The following NXPH2 variants were observed in gnomAD, a reference collection of about 807,000 sequenced individuals.
NXPH2 encodes the protein neurexophilin-2.
In NXPH2, 5 loss-of-function variants were observed where a neutral mutation model predicts 19.8. That is an observed-to-expected ratio of 0.25 (90% confidence interval 0.13 to 0.53). The LOEUF is 0.53. Ranked by LOEUF, NXPH2 falls within the 20% of genes least tolerant of loss-of-function variation. The pLI is 0.96. For missense variants in NXPH2, 289 were observed against 322.8 expected (o/e 0.90, Z 0.80); for synonymous variants, 154 against 127.4 (o/e 1.21, Z -1.41).
chr2:138,731,130 G>A (rs1423234735), intron 1 of NXPH2, among the ~76,000 whole-genome samples: 1 of 151,950 alleles, frequency 6.6e-6, no homozygotes, highest in Admixed American at 6.6e-5. Context: ...TTCAGTTTCT[G>A]CTGCCTCCAT....
At chr2:138,721,791 A>T (rs935866002) in intron 1 of NXPH2, among the ~76,000 whole-genome samples, 3 of 152,348 alleles carry the variant, frequency 2.0e-5, no homozygotes, top group Admixed American at 1.3e-4. Context: ...TAAAGCTTTA[A>T]ACTTCCCCAG....
intron 1 of NXPH2, among the ~76,000 whole-genome samples, chr2:138,763,927 T>TCATC (rs1298404174): frequency 6.6e-6 from 1 of 152,316 alleles, no homozygotes; most frequent in East Asian, 1.9e-4. Context: ...GTTCATTCAT[T>TCATC]CATCCATTCA....
chr2:138,767,730 T>G (rs993940009), intron 1 of NXPH2, among the ~76,000 whole-genome samples: 1 of 152,326 alleles, frequency 6.6e-6, no homozygotes, highest in Admixed American at 6.5e-5. Flanking sequence ...TTTTCTGATT[T>G]TTCATTTGAG....
At chr2:138,759,772 C>T (rs1475960870) in intron 1 of NXPH2, among the ~76,000 whole-genome samples, 1 of 148,644 alleles carries the variant, frequency 6.7e-6, no homozygotes. Flanking sequence ...CTCTGTGGTC[C>T]AGGCTGGAGT....
intron 1 of NXPH2, among the ~76,000 whole-genome samples, chr2:138,757,196 TACA>T (rs1681922640): frequency 6.6e-6 from 1 of 152,204 alleles, no homozygotes; most frequent in African/African-American, 2.4e-5. Flanking sequence ...TCATATTTCC[TACA>T]ACAATGGCCT....
At chr2:138,693,383 C>G (rs1680772824) in intron 1 of NXPH2, among the ~76,000 whole-genome samples, 1 of 152,100 alleles carries the variant, frequency 6.6e-6, no homozygotes. Flanking sequence ...TGGAAAAGAT[C>G]AACCCACATG....
chr2:138,686,388 A>G lies in NXPH2; in HGVS notation c.52-14723T>C, dbSNP rs116132472. Among the ~76,000 whole-genome samples the G allele has an allele frequency of 4.2e-3, 639 of 152,254 alleles. 5 individuals are homozygous for G. The highest frequency in any genetic ancestry group is 0.015 in the African/African-American group (611 of 41,542). On this transcript the variant is annotated intron_variant, in intron 1 of 1. Transcript: ENST00000272641. Reference sequence around the variant, plus strand: ...GAAGAGGCACTGTCTCTCTCTTGCCATCATTTCATGTTAAGCTCCACCCAT... The same window carrying G: ...GAAGAGGCACTGTCTCTCTCTTGCCGTCATTTCATGTTAAGCTCCACCCAT...
intron 1 of NXPH2, among the ~76,000 whole-genome samples, chr2:138,700,342 A>T (rs1312844094): frequency 1.3e-5 from 2 of 152,154 alleles, no homozygotes; most frequent in Non-Finnish European, 2.9e-5. Flanking sequence ...AACCTTAACT[A>T]TTCAACAATC....
intron 1 of NXPH2, among the ~76,000 whole-genome samples, chr2:138,702,677 C>T (rs1680948257): frequency 6.9e-6 from 1 of 144,520 alleles, no homozygotes; most frequent in Non-Finnish European, 1.5e-5. Context: ...ATGACTATTT[C>T]TTTGACAGAG....
At chr2:138,734,189 G>C (rs891420210) in intron 1 of NXPH2, among the ~76,000 whole-genome samples, 1 of 152,170 alleles carries the variant, frequency 6.6e-6, no homozygotes, top group Non-Finnish European at 1.5e-5. Flanking sequence ...AGGTTGCAGT[G>C]AGTCAAGATC....
At chr2:138,679,599 C>T (rs1573951168) in intron 1 of NXPH2, among the ~76,000 whole-genome samples, 1 of 152,024 alleles carries the variant, frequency 6.6e-6, no homozygotes, top group African/African-American at 2.4e-5. Flanking sequence ...GAGGTTTCTC[C>T]ATGTTGTTCA....
intron 1 of NXPH2, among the ~76,000 whole-genome samples, chr2:138,769,618 C>T (rs1222078754): frequency 2.0e-5 from 3 of 152,154 alleles, no homozygotes; most frequent in African/African-American, 7.2e-5. Context: ...AGGCAGGACA[C>T]TGAAGTTTTT....
At chr2:138,757,842 TATCTATC>T (rs1558930685) in intron 1 of NXPH2, among the ~76,000 whole-genome samples, 1 of 136,128 alleles carries the variant, frequency 7.3e-6, no homozygotes, top group Non-Finnish European at 1.7e-5. Context: ...TCTATCTATC[TATCTATC>T]TATCTATCTA....
chr2:138,714,687 G>A (rs111799417), intron 1 of NXPH2, among the ~76,000 whole-genome samples: 113 of 152,212 alleles, frequency 7.4e-4, no homozygotes, highest in African/African-American at 2.6e-3. Flanking sequence ...TGGGATAATG[G>A]TGTTAATTTC....
chr2:138,725,956 G>C (rs1304412634), intron 1 of NXPH2, among the ~76,000 whole-genome samples: 1 of 152,046 alleles, frequency 6.6e-6, no homozygotes, highest in Non-Finnish European at 1.5e-5. Flanking sequence ...GACTATATCT[G>C]GATATTCTAG....
chr2:138,752,968 A>T (rs912359506), intron 1 of NXPH2, among the ~76,000 whole-genome samples: 1 of 152,160 alleles, frequency 6.6e-6, no homozygotes, highest in Non-Finnish European at 1.5e-5. Context: ...GTTAATTTTA[A>T]CCTTGATCAT....
At chr2:138,764,921 G>A (rs1682068944) in intron 1 of NXPH2, among the ~76,000 whole-genome samples, 1 of 152,148 alleles carries the variant, frequency 6.6e-6, no homozygotes, top group Non-Finnish European at 1.5e-5. Context: ...TTGAGTGGAT[G>A]TATAAGAATA....
intron 1 of NXPH2, among the ~76,000 whole-genome samples, chr2:138,731,491 A>T (rs1381676290): frequency 6.6e-6 from 1 of 152,140 alleles, no homozygotes; most frequent in Non-Finnish European, 1.5e-5. Context: ...GTTTGTCATC[A>T]TCTCTCTGGG....
At chr2:138,685,399 A>G (rs545736387) in intron 1 of NXPH2, among the ~76,000 whole-genome samples, 3 of 152,188 alleles carry the variant, frequency 2.0e-5, no homozygotes, top group Non-Finnish European at 4.4e-5. Context: ...TCTTACTTTC[A>G]TTAACTCAGT....
Sources: allele counts gnomAD v4.1 joint callset (sites outside exome capture counted in the v4.1 genomes callset), GRCh38; gene constraint gnomAD v4.1.1; transcripts MANE v1.5; gene names NCBI Gene and HGNC (gene_info 2026-07-23, HGNC 2026-07-21).